ARSJ: variants seen among roughly 807,000 people sequenced by gnomAD.
The protein encoded by ARSJ is arylsulfatase J.
A neutral mutation model predicts 35.9 loss-of-function variants in ARSJ; 26 were observed. The observed-to-expected ratio is 0.72, with a 90% CI of 0.53 to 1.00. ARSJ has a LOEUF of 1.00. Ranked by LOEUF, ARSJ falls within the 50% of genes least tolerant of loss-of-function variation. ARSJ has a pLI of 0.00. For missense variants in ARSJ, 667 were observed against 723.6 expected, an observed-to-expected ratio of 0.92 and a Z score of 0.90; for synonymous variants, 294 against 267.6, an observed-to-expected ratio of 1.10 and a Z score of -0.96.
chr4:113,961,510 A>G (rs1241767422), intron 1 of ARSJ, among the ~76,000 whole-genome samples: 2 of 152,090 alleles, frequency 1.3e-5, no homozygotes, highest in African/African-American at 4.8e-5. Flanking sequence ...CAATGTCTGC[A>G]CAGCTGTTAA....
At chr4:113,961,601 C>T (rs566342030) in intron 1 of ARSJ, among the ~76,000 whole-genome samples, 1 of 152,144 alleles carries the variant, frequency 6.6e-6, no homozygotes, top group East Asian at 1.9e-4. Flanking sequence ...TTAGTGAGTA[C>T]TTTGCTTTTG....
At chr4:113,941,759 AAAATGTT>A (rs1472305128) in intron 1 of ARSJ, among the ~76,000 whole-genome samples, 1 of 152,080 alleles carries the variant, frequency 6.6e-6, no homozygotes, top group African/African-American at 2.4e-5. Context: ...TCAGCAAGGC[AAAATGTT>A]AAATTAATAT....
chr4:113,920,212 AAACG>A (rs1024524222), intron 1 of ARSJ, among the ~76,000 whole-genome samples: 1 of 152,172 alleles, frequency 6.6e-6, no homozygotes, highest in Non-Finnish European at 1.5e-5. Context: ...GTGAGGATAA[AAACG>A]TTTCCACAGA....
chr4:113,972,164 G>A (rs934641762), intron 1 of ARSJ, among the ~76,000 whole-genome samples: 6 of 151,858 alleles, frequency 4.0e-5, no homozygotes, highest in African/African-American at 1.5e-4. Context: ...ACCAAACTAG[G>A]CCACCAGAGC....
intron 1 of ARSJ, among the ~76,000 whole-genome samples, chr4:113,940,646 A>T (rs1382233589): frequency 1.0e-5 from 1 of 97,258 alleles, no homozygotes; most frequent in East Asian, 2.0e-4. Flanking sequence ...CCTGGAACTT[A>T]AAAAAAAAAA....
chr4:113,908,449 A>G (rs920766798), intron 1 of ARSJ, among the ~76,000 whole-genome samples: 4 of 152,230 alleles, frequency 2.6e-5, no homozygotes, highest in Non-Finnish European at 4.4e-5. Flanking sequence ...GGATAAATAA[A>G]AGATATTTTA....
At chr4:113,934,249 G>C (rs1255505557) in intron 1 of ARSJ, among the ~76,000 whole-genome samples, 1 of 151,716 alleles carries the variant, frequency 6.6e-6, no homozygotes, top group Non-Finnish European at 1.5e-5. Flanking sequence ...AAATTCCACT[G>C]CTGGGTGTAT....
At chr4:113,946,626 C>A (rs1725505080) in intron 1 of ARSJ, among the ~76,000 whole-genome samples, 1 of 151,342 alleles carries the variant, frequency 6.6e-6, no homozygotes, top group African/African-American at 2.4e-5. Flanking sequence ...ATTTGATATG[C>A]CAGACTCTCC....
intron 1 of ARSJ, among the ~76,000 whole-genome samples, chr4:113,973,996 G>A (rs1484856793): frequency 6.6e-6 from 1 of 152,170 alleles, no homozygotes; most frequent in East Asian, 1.9e-4. Flanking sequence ...TCAAACATGT[G>A]CATTCATCTG....
At chr4:113,968,885 T>C (rs1727059173) in intron 1 of ARSJ, among the ~76,000 whole-genome samples, 1 of 152,208 alleles carries the variant, frequency 6.6e-6, no homozygotes, top group South Asian at 2.1e-4. Flanking sequence ...TAGGAGGTTA[T>C]TGAAATAGTG....
chr4:113,902,550 T>C lies in ARSJ; in HGVS notation c.1524A>G (p.Leu508=), dbSNP rs555645813. Residue 508 remains leucine, a synonymous_variant, in exon 2 of 2, where the codon CTA becomes CTG. Transcript: ENST00000315366. ...TCACGATTCCTGGATACCTGTTAGA[T>C]AGGTCCACCCTCTCATATGGGTCGG... The part of the protein sequence containing the change: ...ITADPYERVD[L]SNRYPGIVKK... 3.1e-6 allele frequency: 5 copies of C among 1,614,170 alleles called. No individual in the cohort carries two copies. In the South Asian group the frequency reaches 4.4e-5, roughly 14 times the overall value.
At chr4:113,915,874 C>A (rs147522982) in intron 1 of ARSJ, among the ~76,000 whole-genome samples, 1 of 152,318 alleles carries the variant, frequency 6.6e-6, no homozygotes, top group African/African-American at 2.4e-5. Flanking sequence ...GAAAAGACAT[C>A]CCAAAATTGC....
At chr4:113,924,026 T>TATATATATAAATATATATAA (rs1357471331) in intron 1 of ARSJ, among the ~76,000 whole-genome samples, 1 of 128,676 alleles carries the variant, frequency 7.8e-6, no homozygotes, top group Non-Finnish European at 1.6e-5. Flanking sequence ...AATCTACATA[T>TATATATATAAATATATATAA]ATATATATAA....
chr4:113,974,606 T>A (rs187302867), intron 1 of ARSJ, among the ~76,000 whole-genome samples: 1 of 152,168 alleles, frequency 6.6e-6, no homozygotes. Context: ...AAATGCAAAT[T>A]TAAACCATAA....
chr4:113,907,220 G>A (rs761088845), intron 1 of ARSJ, among the ~76,000 whole-genome samples: 3 of 152,154 alleles, frequency 2.0e-5, no homozygotes, highest in Admixed American at 6.6e-5. Context: ...TTTGTAAACC[G>A]GATAGTGAGA....
At chr4:113,967,211 A>G (rs1433876408) in intron 1 of ARSJ, among the ~76,000 whole-genome samples, 1 of 152,212 alleles carries the variant, frequency 6.6e-6, no homozygotes, top group African/African-American at 2.4e-5. Flanking sequence ...ACATCTTATT[A>G]CACCCAAGAA....
chr4:113,904,947 C>T (rs1202756637), intron 1 of ARSJ, among the ~76,000 whole-genome samples: 1 of 152,150 alleles, frequency 6.6e-6, no homozygotes, highest in African/African-American at 2.4e-5. Flanking sequence ...GTATGTTTCC[C>T]ACAGTGTCTC....
chr4:113,915,355 G>A (rs1427554597), intron 1 of ARSJ, among the ~76,000 whole-genome samples: 1 of 152,032 alleles, frequency 6.6e-6, no homozygotes, highest in Non-Finnish European at 1.5e-5. Context: ...TCAAGATATG[G>A]AATTAACATT....
rs776435480 is a variant in ARSJ at position 113,963,384 on chromosome 4, G to A, written c.398+15053C>T. Among the ~76,000 whole-genome samples the A allele has an allele frequency of 3.9e-5, 6 of 152,000 alleles. 1 individual carries two copies. Among genetic ancestry groups the A allele is most frequent in the South Asian group, 4.1e-4 (2 of 4,826 alleles). On this transcript the variant is annotated intron_variant, in intron 1 of 1. Coordinates refer to ENST00000315366, the MANE Select transcript of ARSJ (RefSeq NM_024590.4). ...CCTCAGGAAACTTACAATCATGGGG[G>A]AAAGGGAAGCAAACATGTCCTTCTT...
Sources: gnomAD v4.1 joint callset for allele counts (sites outside exome capture counted in the v4.1 genomes callset) on GRCh38, gnomAD v4.1.1 for gene constraint, MANE v1.5 for transcripts, NCBI Gene and HGNC (gene_info 2026-07-23, HGNC 2026-07-21) for gene names.